Variants in OPA1 observed in about 807,000 individuals in gnomAD.
The protein encoded by OPA1 is OPA1 mitochondrial dynamin like GTPase.
OPA1 carries 59 observed loss-of-function variants against 152.9 expected under a neutral mutation model. The ratio of observed to expected loss-of-function variants is 0.39; its 90% CI spans 0.31 to 0.48. OPA1 has a LOEUF of 0.48. OPA1 is among the 20% of genes least tolerant of loss of function. The pLI is 0.96. For synonymous variants in OPA1, 400 were observed against 389.9 expected (o/e 1.03, Z -0.31); for missense variants, 1,008 against 1,216.8 (o/e 0.83, Z 2.55).
intron 6 of OPA1, chr3:193,619,601 C>T (rs923315133): frequency 6.6e-6 from 1 of 152,018 alleles, no homozygotes; most frequent in African/African-American, 2.4e-5. Flanking sequence ...ATATATTTAC[C>T]TGACGTTTTC....
intron 23 of OPA1, 104 bp downstream of exon 23, chr3:193,657,336 TTAAAAA>T: frequency 9.0e-7 from 1 of 1,113,300 alleles, no homozygotes; most frequent in East Asian, 2.4e-5. Flanking sequence ...ACATTCTGAA[TTAAAAA>T]TAATGAAGTA....
At chr3:193,636,040 C>G (rs776206676) in intron 9 of OPA1, among the ~76,000 whole-genome samples, 1 of 152,126 alleles carries the variant, frequency 6.6e-6, no homozygotes. Context: ...ACCAATAAAT[C>G]AAGTCTTACT....
chr3:193,695,748 T>C lies in OPA1; in HGVS notation c.*1148T>C, dbSNP rs1314770711. 6.6e-6 allele frequency: 1 copy of C among 152,226 alleles called. No homozygotes were observed. Among genetic ancestry groups the C allele is most frequent in the Non-Finnish European group, 1.5e-5 (1 of 68,028 alleles). The allele number at this position is 152,226 out of a possible 1,614,324, so 9.4% of individuals were successfully genotyped here. The stretch of plus-strand genomic sequence containing the variant: ...AGCCTTTACTTTGTTAATAAAAGTG[T>C]CCATTGTGTGATGTTTTTGATTTTA... On this transcript the variant is annotated 3_prime_UTR_variant, in exon 31 of 31. Transcript: ENST00000361510.
At chr3:193,608,283 A>C (rs537717441) in intron 1 of OPA1, among the ~76,000 whole-genome samples, 101 of 151,964 alleles carry the variant, frequency 6.6e-4, no homozygotes, top group Non-Finnish European at 1.3e-3. Context: ...TAGTTCTTTT[A>C]ATTGTGACGT....
Position 193,654,945 on chromosome 3 carries a change from T to C in OPA1, c.2096T>C (p.Met699Thr). The change falls in exon 22 of 31, where the codon ATG becomes ACG. Residue 699 changes from methionine (M) to threonine (T), a missense_variant. Around this residue, in one of 7 missense-constraint regions of OPA1, gnomAD observed 229 missense variants for 269.0 expected, o/e 0.85. Coordinates refer to ENST00000361510, the MANE Select transcript of OPA1 (RefSeq NM_130837.3). ...ENIYLPAAQTMNSGTFNTTVD... is the reference protein window; with the variant it reads ...ENIYLPAAQTTNSGTFNTTVD... ...ATCTACCTTCCAGCTGCGCAGACCATGAATTCAGGAACTTTTAACACCACA... is the reference window on the plus strand; with the variant it reads ...ATCTACCTTCCAGCTGCGCAGACCACGAATTCAGGAACTTTTAACACCACA... 6.2e-7 allele frequency: 1 copy of C among 1,613,982 alleles called. No homozygotes were observed. Among genetic ancestry groups the C allele is most frequent in the Non-Finnish European group, 8.5e-7 (1 of 1,179,922 alleles).
chr3:193,618,606 AT>A (rs1287787015), intron 5 of OPA1: 11 of 430,824 alleles, frequency 2.6e-5, no homozygotes, highest in Non-Finnish European at 4.2e-5. Context: ...AGATTGTCTT[AT>A]TTTTTTATTG....
Position 193,648,867 on chromosome 3 carries a change from C to T in OPA1, c.2008C>T (p.His670Tyr). The change falls in exon 21 of 31, where the codon CAT becomes TAT. Residue 670 changes from histidine to tyrosine, a missense_variant. This residue lies in a region of OPA1 where 229 missense variants were observed against 269.0 expected (regional missense o/e 0.85). Coordinates refer to ENST00000361510, the MANE Select transcript of OPA1 (RefSeq NM_130837.3). ...CAGTCTGAGCCAGGTTACACCAAAACATTGGTAAGTATTTGATATTAATCT... is the reference window on the plus strand; with the variant it reads ...CAGTCTGAGCCAGGTTACACCAAAATATTGGTAAGTATTTGATATTAATCT... ...VISLSQVTPK[H>Y]WEEILQQSLW... 3 of 1,591,060 alleles carry T rather than the reference C, an allele frequency of 1.9e-6. No homozygotes were observed. Among genetic ancestry groups the T allele is most frequent in the Non-Finnish European group, 2.6e-6 (3 of 1,159,404 alleles).
chr3:193,611,308 G>A (rs894282098), intron 1 of OPA1, among the ~76,000 whole-genome samples: 3 of 152,098 alleles, frequency 2.0e-5, no homozygotes, highest in Non-Finnish European at 4.4e-5. Context: ...TTCTCAAAAT[G>A]CTTAGCTAGG....
intron 7 of OPA1, among the ~76,000 whole-genome samples, chr3:193,628,144 G>A (rs1045327176): frequency 6.6e-6 from 1 of 152,096 alleles, no homozygotes; most frequent in East Asian, 1.9e-4. Context: ...TTCCAGGCAT[G>A]TGAGGTTTAC....
intron 29 of OPA1, among the ~76,000 whole-genome samples, chr3:193,688,501 CAG>C (rs373315835): frequency 1.4e-5 from 1 of 69,062 alleles, no homozygotes; most frequent in East Asian, 6.0e-4. Context: ...TTTTTTGAGA[CAG>C]AGTCTCGCTA....
intron 6 of OPA1, among the ~76,000 whole-genome samples, chr3:193,625,128 G>T (rs1055548177): frequency 6.6e-6 from 1 of 151,778 alleles, no homozygotes; most frequent in Non-Finnish European, 1.5e-5. Context: ...TTTTGAGGTC[G>T]ATTATCTAAG....
chr3:193,678,053 C>G (rs1719476242), intron 29 of OPA1, among the ~76,000 whole-genome samples: 1 of 152,186 alleles, frequency 6.6e-6, no homozygotes, highest in Non-Finnish European at 1.5e-5. Context: ...AAGATTGTTT[C>G]ATTGTTACCT....
At chr3:193,669,201 G>A (rs76010301) in intron 29 of OPA1, among the ~76,000 whole-genome samples, 2,109 of 152,250 alleles carry the variant, frequency 0.014, 36 homozygotes, top group African/African-American at 0.047. Flanking sequence ...CTGTGCCTGC[G>A]CAGCATGCTC....
Position 193,605,924 on chromosome 3 carries a change from AG to A in OPA1, c.33-8798del, listed in dbSNP as rs1235515978. Among the ~76,000 whole-genome samples, 28 of 152,342 alleles carry A rather than the reference AG, an allele frequency of 1.8e-4. No homozygotes were observed. In the Middle Eastern group the frequency reaches 0.02, roughly 111 times the overall value. ...AGGTGGGGTTTATGGTAGATAGAGT[AG>A]CCCTGGTATCCATAAGGACTATACA... On this transcript the variant is annotated intron_variant, in intron 1 of 30. Transcript: ENST00000361510.
chr3:193,597,465 C>T (rs1344378725), intron 1 of OPA1, among the ~76,000 whole-genome samples: 5 of 151,880 alleles, frequency 3.3e-5, no homozygotes, highest in African/African-American at 4.8e-5. Flanking sequence ...CCGAGGTGGG[C>T]GGATCACCTG....
intron 24 of OPA1, among the ~76,000 whole-genome samples, chr3:193,659,202 C>G (rs1208207840): frequency 6.6e-6 from 1 of 152,182 alleles, no homozygotes; most frequent in Non-Finnish European, 1.5e-5. Context: ...TGCTTATATG[C>G]ATTTATATTC....
chr3:193,608,181 G>A (rs1286875214), intron 1 of OPA1, among the ~76,000 whole-genome samples: 3 of 152,072 alleles, frequency 2.0e-5, no homozygotes, highest in Admixed American at 6.5e-5. Flanking sequence ...TTTTTGAAGG[G>A]TTTTTTGTGT....
intron 29 of OPA1, among the ~76,000 whole-genome samples, chr3:193,691,228 T>C (rs1211454504): frequency 6.6e-6 from 1 of 152,020 alleles, no homozygotes; most frequent in Non-Finnish European, 1.5e-5. Flanking sequence ...TCTCAGAATA[T>C]AAAATAAAGT....
chr3:193,594,811 T>A (rs1725252549), intron 1 of OPA1, among the ~76,000 whole-genome samples: 1 of 152,236 alleles, frequency 6.6e-6, no homozygotes, highest in South Asian at 2.1e-4. Flanking sequence ...AATTTTAGTC[T>A]TTGAGTAAGT....
Sources: allele counts gnomAD v4.1 joint callset (sites outside exome capture counted in the v4.1 genomes callset), GRCh38; gene constraint gnomAD v4.1.1; regional missense constraint gnomAD v4.1.1; transcripts MANE v1.5; gene names NCBI Gene and HGNC (gene_info 2026-07-23, HGNC 2026-07-21).